The following TMEM232 variants were observed in gnomAD, a reference collection of about 807,000 sequenced individuals.
TMEM232 encodes transmembrane protein 232.
Under a neutral mutation model 78.8 loss-of-function variants are expected in TMEM232, and 80 were observed. The ratio of observed to expected loss-of-function variants is 1.01; its 90% confidence interval spans 0.85 to 1.22. TMEM232 has a LOEUF of 1.22. Among genes scored for constraint, TMEM232 ranks in the 50% most tolerant of loss-of-function variants. The probability of loss-of-function intolerance (pLI) is 0.00; values close to 1 mark genes in which losing one functional copy is unlikely to be tolerated. For synonymous variants in TMEM232, 297 were observed against 254.3 expected, an observed-to-expected ratio of 1.17 and a Z score of -1.60; for missense variants, 881 against 742.2, an observed-to-expected ratio of 1.19 and a Z score of -2.17.
chr5:110,512,649 T>G (rs372181432), intron 12 of TMEM232, among the ~76,000 whole-genome samples: 2 of 152,302 alleles, frequency 1.3e-5, no homozygotes, highest in South Asian at 4.1e-4. Context: ...TCAGGAAGTT[T>G]ACATTCTAAT....
At chr5:110,734,561 T>C (rs1211033064) in intron 2 of TMEM232, among the ~76,000 whole-genome samples, 3 of 152,200 alleles carry the variant, frequency 2.0e-5, no homozygotes, top group Non-Finnish European at 4.4e-5. Flanking sequence ...CACCATCTTC[T>C]GAACATAAAT....
chr5:110,449,790 A>C (rs1760069425), intron 12 of TMEM232, among the ~76,000 whole-genome samples: 1 of 152,146 alleles, frequency 6.6e-6, no homozygotes, highest in African/African-American at 2.4e-5. Context: ...AAAGCTTAGA[A>C]TCTAATGGCT....
intron 5 of TMEM232, among the ~76,000 whole-genome samples, chr5:110,630,239 C>A (rs933551145): frequency 6.6e-6 from 1 of 152,164 alleles, no homozygotes; most frequent in African/African-American, 2.4e-5. Flanking sequence ...TCTTGGGATT[C>A]CAGTTGAAGA....
intron 12 of TMEM232, among the ~76,000 whole-genome samples, chr5:110,502,795 G>C (rs1018164325): frequency 1.3e-5 from 2 of 152,060 alleles, no homozygotes; most frequent in African/African-American, 4.8e-5. Context: ...TGCCTGTACC[G>C]TATGTCTACA....
At chr5:110,552,118 A>C (rs191848090) in intron 11 of TMEM232, among the ~76,000 whole-genome samples, 3 of 152,286 alleles carry the variant, frequency 2.0e-5, no homozygotes, top group African/African-American at 7.2e-5. Flanking sequence ...AGAGTAGTAA[A>C]AATACAAGTA....
intron 12 of TMEM232, among the ~76,000 whole-genome samples, chr5:110,494,429 T>C (rs73784770): frequency 6.6e-6 from 1 of 152,178 alleles, no homozygotes; most frequent in African/African-American, 2.4e-5. Flanking sequence ...TTGCCAAAAA[T>C]AACCAGTTCT....
At chr5:110,691,934 T>G (rs1794161643) in intron 1 of TMEM232, among the ~76,000 whole-genome samples, 1 of 152,188 alleles carries the variant, frequency 6.6e-6, no homozygotes, top group South Asian at 2.1e-4. Flanking sequence ...GTTTTTTGTT[T>G]TTTTGGGACG....
intron 10 of TMEM232, among the ~76,000 whole-genome samples, chr5:110,602,620 G>A (rs1351581866): frequency 5.3e-5 from 8 of 152,048 alleles, no homozygotes; most frequent in Non-Finnish European, 1.0e-4. Context: ...TTAGAATGGC[G>A]ATCATTAAAA....
chr5:110,564,273 A>G (rs773616832), intron 11 of TMEM232, among the ~76,000 whole-genome samples: 2 of 151,986 alleles, frequency 1.3e-5, no homozygotes, highest in African/African-American at 2.4e-5. Context: ...TTGCCTCAAA[A>G]TAAGACGTAA....
At chr5:110,690,979 G>A (rs528589490) in intron 1 of TMEM232, among the ~76,000 whole-genome samples, 3 of 151,866 alleles carry the variant, frequency 2.0e-5, no homozygotes, top group South Asian at 4.2e-4. Flanking sequence ...TGTTGGGGGT[G>A]TGGGGGTAGG....
chr5:110,588,986 C>T (rs1211355090), intron 10 of TMEM232, among the ~76,000 whole-genome samples: 1 of 152,084 alleles, frequency 6.6e-6, no homozygotes, highest in African/African-American at 2.4e-5. Context: ...TATTACAACA[C>T]AGACTCCAGA....
chr5:110,515,218 A>G (rs755889759), intron 12 of TMEM232, among the ~76,000 whole-genome samples: 1 of 152,222 alleles, frequency 6.6e-6, no homozygotes, highest in Non-Finnish European at 1.5e-5. Context: ...AAATGCACTC[A>G]TGTGGTGTGG....
chr5:110,473,890 C>CA (rs61351197), intron 12 of TMEM232, among the ~76,000 whole-genome samples: 1,113 of 14,210 alleles, frequency 0.078, 211 homozygotes, highest in East Asian at 0.11. Context: ...AGCCAGACAC[C>CA]AAAAAAAAAA....
At chr5:110,574,641 C>A (rs151054696) in intron 10 of TMEM232, among the ~76,000 whole-genome samples, 2 of 151,936 alleles carry the variant, frequency 1.3e-5, no homozygotes, top group Non-Finnish European at 2.9e-5. Flanking sequence ...CCAAGCCCCC[C>A]CAAAAATTGT....
chr5:110,676,588 A>C (rs1207222741), intron 1 of TMEM232, among the ~76,000 whole-genome samples: 1 of 151,658 alleles, frequency 6.6e-6, no homozygotes, highest in African/African-American at 2.4e-5. Flanking sequence ...GTATGTATGT[A>C]TGTATGTATT....
chr5:110,520,048 T>TAGAGAGAGAG (rs200426316), intron 12 of TMEM232, among the ~76,000 whole-genome samples: 4 of 136,892 alleles, frequency 2.9e-5, no homozygotes, highest in African/African-American at 1.2e-4. Flanking sequence ...TATATATATA[T>TAGAGAGAGAG]ATAGAGAGAG....
At chr5:110,536,580 CT>C (rs1176306867) in intron 11 of TMEM232, among the ~76,000 whole-genome samples, 1 of 152,100 alleles carries the variant, frequency 6.6e-6, no homozygotes. Flanking sequence ...GCAACAGCTC[CT>C]CCAGAGTGAA....
At chr5:110,545,297 G>C (rs1773639189) in intron 11 of TMEM232, among the ~76,000 whole-genome samples, 1 of 152,010 alleles carries the variant, frequency 6.6e-6, no homozygotes, top group Non-Finnish European at 1.5e-5. Flanking sequence ...GATGATGATG[G>C]TGGTAGGAGA....
intron 12 of TMEM232, among the ~76,000 whole-genome samples, chr5:110,474,232 A>G (rs1234240898): frequency 6.6e-6 from 1 of 151,948 alleles, no homozygotes; most frequent in Non-Finnish European, 1.5e-5. Flanking sequence ...TTACACTGAA[A>G]TGTCACATGG....
Sources: gnomAD v4.1 joint callset for allele counts (sites outside exome capture counted in the v4.1 genomes callset) on GRCh38, gnomAD v4.1.1 for gene constraint, MANE v1.5 for transcripts, NCBI Gene and HGNC (gene_info 2026-07-23, HGNC 2026-07-21) for gene names.